The following TNFAIP6 variants were observed in gnomAD, a reference collection of about 807,000 sequenced individuals.
TNFAIP6 encodes the protein tumor necrosis factor-inducible gene 6 protein.
A neutral mutation model predicts 33.7 loss-of-function variants in TNFAIP6; 36 were observed. That is an observed-to-expected ratio of 1.07 (90% CI 0.82 to 1.41). TNFAIP6 has a LOEUF of 1.41. Among genes scored for constraint, TNFAIP6 ranks in the 40% most tolerant of loss-of-function variants. The pLI is 0.00. For missense variants in TNFAIP6, 273 were observed against 331.9 expected (o/e 0.82, Z 1.38); for synonymous variants, 113 against 112.8 (o/e 1.00, Z -0.01).
At chr2:151,379,232 A>G in intron 5 of TNFAIP6, 132 bp from the exon 6 acceptor site, 1 of 821,836 alleles carries the variant, frequency 1.2e-6, no homozygotes, top group South Asian at 2.4e-5. Flanking sequence ...CAGCTTGAGA[A>G]TCGACCTCTG....
chr2:151,361,671 T>G (rs3771891), intron 1 of TNFAIP6, among the ~76,000 whole-genome samples: 7,377 of 152,260 alleles, frequency 0.048, 253 homozygotes, highest in Middle Eastern at 0.11. Context: ...AGTGTCCAAG[T>G]TCCTTGAGGA....
chr2:151,379,199 C>A (rs1317904843), intron 5 of TNFAIP6, among the ~76,000 whole-genome samples, 165 bp from the exon 6 acceptor site: 1 of 152,164 alleles, frequency 6.6e-6, no homozygotes, highest in South Asian at 2.1e-4. Flanking sequence ...CTGTTCCATG[C>A]GGCAATGAAA....
At chr2:151,362,088 G>A (rs551804086) in intron 1 of TNFAIP6, among the ~76,000 whole-genome samples, 2 of 152,166 alleles carry the variant, frequency 1.3e-5, no homozygotes, top group Non-Finnish European at 2.9e-5. Flanking sequence ...AAGGGTGGCT[G>A]ATTGCACAGG....
chr2:151,367,880 C>T (rs1038499443), intron 3 of TNFAIP6, among the ~76,000 whole-genome samples: 2 of 151,388 alleles, frequency 1.3e-5, no homozygotes, highest in African/African-American at 4.9e-5. Context: ...AATGGCTTCA[C>T]AAAAATAAAG....
chr2:151,362,891 G>C (rs1363947606), intron 1 of TNFAIP6, among the ~76,000 whole-genome samples: 2 of 152,088 alleles, frequency 1.3e-5, no homozygotes, highest in Non-Finnish European at 2.9e-5. Flanking sequence ...ATCTTCACTA[G>C]TTTCTTTTGC....
chr2:151,359,671 A>G (rs1233922068), intron 1 of TNFAIP6, among the ~76,000 whole-genome samples: 1 of 152,178 alleles, frequency 6.6e-6, no homozygotes, highest in Non-Finnish European at 1.5e-5. Flanking sequence ...TATAGGCGTG[A>G]GCCACCGCAC....
downstream of TNFAIP6, among the ~76,000 whole-genome samples, chr2:151,380,988 G>GA (rs1413555030): frequency 1.3e-5 from 2 of 152,012 alleles, no homozygotes; most frequent in Non-Finnish European, 2.9e-5. Context: ...TTTTTAGGGA[G>GA]AAAAAAACAC....
intron 4 of TNFAIP6, among the ~76,000 whole-genome samples, chr2:151,373,113 T>C (rs1254767284): frequency 6.6e-6 from 1 of 151,256 alleles, no homozygotes; most frequent in East Asian, 1.9e-4. Context: ...AAGCCAGGAG[T>C]TCAAGACCAG....
In TNFAIP6 at chr2:151,364,043, C is replaced by A. The variant is rs1684672288; in HGVS notation, c.195C>A (p.Leu65=). 1.9e-6 allele frequency: 3 copies of A among 1,613,586 alleles called. No individual in the cohort carries two copies. The change falls in exon 2 of 6, where the codon CTC becomes CTA. Residue 65 remains leucine (L), a synonymous_variant. Transcript: ENST00000243347. ...TGTGTGAATTTGAAGGCGGCCATCT[C>A]GCAACTTACAAGCAGCTAGAGGCAG... is the stretch of plus-strand genomic sequence containing the variant. ...KAVCEFEGGH[L]ATYKQLEAAR...
At chr2:151,361,950 C>T (rs886526719) in intron 1 of TNFAIP6, among the ~76,000 whole-genome samples, 5 of 152,022 alleles carry the variant, frequency 3.3e-5, no homozygotes, top group African/African-American at 1.2e-4. Context: ...AAACAAGCAC[C>T]CTCTCTTATT....
chr2:151,377,535 C>T (rs912101922), intron 5 of TNFAIP6, among the ~76,000 whole-genome samples: 2 of 152,008 alleles, frequency 1.3e-5, no homozygotes, highest in African/African-American at 2.4e-5. Context: ...CATACCTAAC[C>T]AATTTACATT....
chr2:151,365,425 G>T (rs1246776442), intron 2 of TNFAIP6, among the ~76,000 whole-genome samples: 1 of 152,076 alleles, frequency 6.6e-6, no homozygotes, highest in Non-Finnish European at 1.5e-5. Context: ...GATCACTTGA[G>T]GTCAGGGGTT....
At chr2:151,373,780 G>A (rs1238725728) in intron 5 of TNFAIP6, 191 bp downstream of exon 5, 1 of 336,044 alleles carries the variant, frequency 3.0e-6, no homozygotes, top group Non-Finnish European at 5.3e-6. Flanking sequence ...TATGCCAACT[G>A]CTTGCACTAA....
downstream of TNFAIP6, among the ~76,000 whole-genome samples, chr2:151,380,950 T>C (rs1685002285): frequency 6.6e-6 from 1 of 152,220 alleles, no homozygotes; most frequent in Admixed American, 6.5e-5. Context: ...TATTCATCTA[T>C]ATTTTATTTT....
At chr2:151,362,402 A>G (rs1256313222) in intron 1 of TNFAIP6, among the ~76,000 whole-genome samples, 2 of 103,948 alleles carry the variant, frequency 1.9e-5, no homozygotes, top group East Asian at 5.8e-4. Flanking sequence ...GTTTGAATCT[A>G]TTTTTCTTTT....
intron 4 of TNFAIP6, 146 bp downstream of exon 4, chr2:151,370,394 T>C (rs1452669981): frequency 3.0e-6 from 2 of 658,244 alleles, no homozygotes; most frequent in Non-Finnish European, 2.6e-6. Context: ...TCAACAAAGA[T>C]TTTTCTTAGC....
intron 3 of TNFAIP6, among the ~76,000 whole-genome samples, chr2:151,368,947 C>A (rs533098111): frequency 1.3e-5 from 2 of 152,306 alleles, no homozygotes; most frequent in South Asian, 4.1e-4. Flanking sequence ...AATCCCAACA[C>A]TTTGGGAAGC....
At chr2:151,373,276 C>T (rs903738149) in intron 4 of TNFAIP6, among the ~76,000 whole-genome samples, 35 of 152,238 alleles carry the variant, frequency 2.3e-4, no homozygotes, top group African/African-American at 8.2e-4. Context: ...GACTGCGCCA[C>T]TGCACTCCAG....
chr2:151,373,718 G>T, intron 5 of TNFAIP6, 129 bp downstream of exon 5: 1 of 405,384 alleles, frequency 2.5e-6, no homozygotes. Flanking sequence ...ACCAACACCA[G>T]ATGCAGCTTG....
Sources: allele counts gnomAD v4.1 joint callset (sites outside exome capture counted in the v4.1 genomes callset), GRCh38; gene constraint gnomAD v4.1.1; transcripts MANE v1.5; gene names NCBI Gene and HGNC (gene_info 2026-07-23, HGNC 2026-07-21).